The following PCLO variants were observed in gnomAD, a reference collection of about 807,000 sequenced individuals.
PCLO encodes protein piccolo.
In PCLO, 82 loss-of-function variants were observed where a neutral mutation model predicts 427.5. The observed-to-expected ratio is 0.19, with a 90% CI of 0.16 to 0.23. The LOEUF (loss-of-function observed/expected upper bound fraction) is 0.23. Ranked by LOEUF, PCLO falls within the 10% of genes least tolerant of loss-of-function variation. The pLI is 1.00. For synonymous variants in PCLO, 2,357 were observed against 2,155.4 expected, an observed-to-expected ratio of 1.09 and a Z score of -2.59; for missense variants, 6,239 against 6,115.9, an observed-to-expected ratio of 1.02 and a Z score of -0.67.
chr7:83,015,872 TA>T (rs1383854708), intron 3 of PCLO, among the ~76,000 whole-genome samples: 2 of 152,172 alleles, frequency 1.3e-5, no homozygotes, highest in African/African-American at 4.8e-5. Context: ...CTAAAGAACA[TA>T]TGTTTTTTGC....
intron 6 of PCLO, among the ~76,000 whole-genome samples, chr7:82,944,771 A>C (rs1396595462): frequency 6.6e-6 from 1 of 152,190 alleles, no homozygotes; most frequent in East Asian, 1.9e-4. Flanking sequence ...ATATTTGCCA[A>C]ATGTCCATCT....
intron 20 of PCLO, among the ~76,000 whole-genome samples, chr7:82,820,189 C>G (rs759411379): frequency 1.2e-4 from 19 of 152,164 alleles, no homozygotes; most frequent in Non-Finnish European, 2.5e-4. Flanking sequence ...CAAAGTAGAT[C>G]AGACGTGGGA....
At chr7:82,814,444 A>G (rs1275128055) in intron 20 of PCLO, among the ~76,000 whole-genome samples, 1 of 151,288 alleles carries the variant, frequency 6.6e-6, no homozygotes, top group Non-Finnish European at 1.5e-5. Context: ...TGACTTTTAT[A>G]TATTTTTAAG....
At chr7:82,822,397 T>A in intron 20 of PCLO, 98 bp downstream of exon 20, 2 of 1,603,772 alleles carry the variant, frequency 1.2e-6, no homozygotes, top group South Asian at 1.1e-5. Flanking sequence ...GAGCAGAGGA[T>A]GTTGAAAACT....
In PCLO at chr7:82,916,885, T is replaced by C. The variant is rs1252598957; in HGVS notation, c.11113-12A>G. The C allele has an allele frequency of 2.5e-6, 4 of 1,581,006 alleles. No individual in the cohort carries two copies. The African/African-American group carries it at 5.5e-5, about 22-fold the overall frequency. ...TGAGAACCTTTAGTCTATAATCAAG[T>C]AAACAAAATATAGTACTTTAGTATA... is the stretch of plus-strand genomic sequence containing the variant. On this transcript the variant is annotated splice_polypyrimidine_tract_variant and intron_variant, in intron 6 of 24. Transcript: ENST00000333891.
Position 83,134,675 on chromosome 7 carries a change from C to T in PCLO, c.2875G>A (p.Gly959Arg). 2 of 1,613,646 alleles carry T rather than the reference C, an allele frequency of 1.2e-6. No homozygotes were observed. The highest frequency in any genetic ancestry group is 1.7e-5 in the Admixed American group (1 of 59,954). ...AGQPGPHSQS[G>R]PGAPMKQAPA... Reference sequence around the variant, plus strand: ...GCTTGTTTCATTGGGGCCCCTGGTCCACTTTGTGAATGAGGTCCAGGTTGG... The same window carrying T: ...GCTTGTTTCATTGGGGCCCCTGGTCTACTTTGTGAATGAGGTCCAGGTTGG... Residue 959 changes from glycine to arginine, a missense_variant, in exon 3 of 25, where the codon GGA becomes AGA. Physicochemically the swap from Gly to Arg is moderately radical, Grantham distance 125. Around this residue, in one of 5 missense-constraint regions of PCLO, gnomAD observed 4,677 missense variants for 4,468.4 expected, o/e 1.05. Transcript: ENST00000333891.
At chr7:82,771,449 ACT>A (rs566144688) in intron 22 of PCLO, among the ~76,000 whole-genome samples, 159 of 152,046 alleles carry the variant, frequency 1.0e-3, no homozygotes, top group African/African-American at 3.3e-3. Flanking sequence ...ATAATTTTCC[ACT>A]CTCTCATAGT....
Position 83,135,036 on chromosome 7 carries a change from T to C in PCLO, c.2514A>G (p.Ser838=). The C allele has an allele frequency of 6.2e-7, 1 of 1,613,996 alleles. No individual in the cohort carries two copies. The highest frequency in any genetic ancestry group is 8.5e-7 in the Non-Finnish European group (1 of 1,179,884). The change falls in exon 3 of 25, where the codon TCA becomes TCG. Residue 838 remains serine (S), a synonymous_variant. Coordinates refer to ENST00000333891, the MANE Select transcript of PCLO (RefSeq NM_033026.6). ...CAACTTGTTTTTGACCTTTGCTCTC[T>C]GAACTGGGACCAGGATGTGAAATAA... ...SKIISHPGPS[S]ESKGQKQVDP...
intron 3 of PCLO, among the ~76,000 whole-genome samples, chr7:82,983,690 G>T (rs1447583705): frequency 6.6e-6 from 1 of 151,224 alleles, no homozygotes; most frequent in Non-Finnish European, 1.5e-5. Flanking sequence ...ATGTTAGCAG[G>T]TGGGAATGAA....
chr7:82,754,061 GCA>G lies in PCLO; in HGVS notation c.*4512_*4513del, dbSNP rs1469170099. ...AGGCTGAGGCAACAGCCTTTATACG[GCA>G]CAGTTTACATAAGTTATCAAGATAC... On this transcript the variant is annotated 3_prime_UTR_variant, in exon 25 of 25. Coordinates refer to ENST00000333891, the MANE Select transcript of PCLO (RefSeq NM_033026.6). The G allele has an allele frequency of 6.6e-6, 1 of 152,066 alleles. No homozygotes were observed. Among genetic ancestry groups the G allele is most frequent in the Non-Finnish European group, 1.5e-5 (1 of 68,000 alleles). The allele number at this position is 152,066 out of a possible 1,614,324, so 9.4% of individuals were successfully genotyped here. A position where few individuals can be genotyped will look rare whatever the true frequency, so the allele number is the denominator to read the frequency against.
In PCLO at chr7:82,953,718, G is replaced by A; in HGVS notation, c.7235C>T (p.Pro2412Leu). 1.1e-6 allele frequency: 1 copy of A among 952,068 alleles called. No homozygotes were observed. Among genetic ancestry groups the A allele is most frequent in the South Asian group, 1.4e-5 (1 of 70,056 alleles). 59.0% of individuals were successfully genotyped at this position (952,068 alleles called of 1,614,324 possible). A position where few individuals can be genotyped will look rare whatever the true frequency, so the allele number is the denominator to read the frequency against. ...SAQPPPPPPPPPPPPPPPPPP... is the reference protein window; with the variant it reads ...SAQPPPPPPPLPPPPPPPPPP... ...TGGTGGTGGAGGAGGAGGAGGAGGG[G>A]GAGGGGGAGGAGGGGGAGGAGGTTG... Residue 2412 changes from proline (P) to leucine (L), a missense_variant, in exon 5 of 25, where the codon CCC (proline) becomes CTC (leucine). Pro to Leu is a moderately conservative substitution (Grantham distance 98, BLOSUM62 -3). This residue lies in a region of PCLO where 4,677 missense variants were observed against 4,468.4 expected (regional missense o/e 1.05). Transcript: ENST00000333891.
chr7:83,113,784 T>A (rs1167220060), intron 3 of PCLO, among the ~76,000 whole-genome samples: 1 of 152,168 alleles, frequency 6.6e-6, no homozygotes, highest in Non-Finnish European at 1.5e-5. Context: ...TATTAAGTGC[T>A]ACAAACAAAA....
At chr7:82,814,146 A>G (rs777414235) in intron 20 of PCLO, among the ~76,000 whole-genome samples, 2 of 151,834 alleles carry the variant, frequency 1.3e-5, no homozygotes, top group Non-Finnish European at 2.9e-5. Flanking sequence ...TGAAATTTCA[A>G]AAGGAAAAAG....
chr7:82,989,786 TCAGA>T (rs1401942781), intron 3 of PCLO, among the ~76,000 whole-genome samples: 1 of 152,138 alleles, frequency 6.6e-6, no homozygotes, highest in Non-Finnish European at 1.5e-5. Context: ...TTTATTTCTA[TCAGA>T]CAGTTTATTC....
At chr7:83,064,577 T>G (rs1450461384) in intron 3 of PCLO, among the ~76,000 whole-genome samples, 1 of 152,054 alleles carries the variant, frequency 6.6e-6, no homozygotes, top group Non-Finnish European at 1.5e-5. Context: ...CAGATGTTCA[T>G]CAAAGGGTAC....
chr7:83,000,052 CAAACA>C (rs1156580565), intron 3 of PCLO, among the ~76,000 whole-genome samples: 2 of 79,084 alleles, frequency 2.5e-5, no homozygotes, highest in Admixed American at 1.4e-4. Context: ...AAACAAAAAA[CAAACA>C]AAAAAAAAAC....
rs748619847 is a variant in PCLO, at chr7:82,955,164, G to A, written c.5789C>T (p.Ala1930Val). 3 of 1,613,754 alleles carry A rather than the reference G, an allele frequency of 1.9e-6. No individual in the cohort carries two copies. The highest frequency in any genetic ancestry group is 2.5e-6 in the Non-Finnish European group (3 of 1,179,854). ...ATCTCGTTCATTTGCAGCTGGAAAAGCTTTGTATTTGTGTGTTTTATGCAT... is the reference window on the plus strand; with the variant it reads ...ATCTCGTTCATTTGCAGCTGGAAAAACTTTGTATTTGTGTGTTTTATGCAT... ...EMMHKTHKYK[A>V]FPAANERDEV... Residue 1930 changes from alanine to valine, a missense_variant, in exon 5 of 25, where the codon GCT becomes GTT. Physicochemically the swap from Ala to Val is moderately conservative, Grantham distance 64 (BLOSUM62 0). Coordinates refer to ENST00000333891, the MANE Select transcript of PCLO (RefSeq NM_033026.6).
At chr7:83,097,689 C>A (rs540294637) in intron 3 of PCLO, among the ~76,000 whole-genome samples, 1 of 151,558 alleles carries the variant, frequency 6.6e-6, no homozygotes, top group South Asian at 2.1e-4. Flanking sequence ...ATCTTCAACA[C>A]TTTGTCATAT....
Position 83,086,959 on chromosome 7 carries a change from A to G in PCLO, c.3300+47291T>C, listed in dbSNP as rs191079943. 3.3e-5 allele frequency among the ~76,000 whole-genome samples: 5 copies of G among 151,690 alleles called. No individual in the cohort carries two copies. The East Asian group carries it at 9.8e-4, about 30-fold the overall frequency. ...TGGAAACCATCATTCTCAGCAAACT[A>G]TCGCAAGGACAAAAAACCAAACACC... On this transcript the variant is annotated intron_variant, in intron 3 of 24. Transcript: ENST00000333891.
Sources: allele counts gnomAD v4.1 joint callset (sites outside exome capture counted in the v4.1 genomes callset), GRCh38; gene constraint gnomAD v4.1.1; regional missense constraint gnomAD v4.1.1; transcripts MANE v1.5; gene names NCBI Gene and HGNC (gene_info 2026-07-23, HGNC 2026-07-21).